ZFP1: variants seen among roughly 807,000 people sequenced by gnomAD.
ZFP1 encodes zinc finger protein 1 homolog.
In ZFP1, 32 loss-of-function variants were observed where a neutral mutation model predicts 38.5. The ratio of observed to expected loss-of-function variants is 0.83; its 90% CI spans 0.63 to 1.12. ZFP1 has a LOEUF of 1.12. Ranked by LOEUF, ZFP1 falls within the 50% of genes most tolerant of loss-of-function variation. The pLI, the probability that ZFP1 is intolerant of heterozygous loss-of-function variation, is 0.00. For missense variants in ZFP1, 616 were observed against 480.8 expected, an observed-to-expected ratio of 1.28 and a Z score of -2.63; for synonymous variants, 245 against 168.8, an observed-to-expected ratio of 1.45 and a Z score of -3.50.
intron 3 of ZFP1, among the ~76,000 whole-genome samples, chr16:75,167,664 A>G (rs1188175503): frequency 6.6e-6 from 1 of 152,164 alleles, no homozygotes; most frequent in Non-Finnish European, 1.5e-5. Context: ...CAGTGGTGAC[A>G]TCACGGTGCA....
rs796255550 is a variant in ZFP1, at chr16:75,170,681, AAC to A, written c.*351_*352del. ...GTGGTTTTATGTGGATATGCCACAA[AAC>A]ACAAGTGGTATGCTTTAGATCTGCA... is the stretch of plus-strand genomic sequence containing the variant. On this transcript the variant is annotated 3_prime_UTR_variant, in exon 4 of 4. Transcript: ENST00000570010. The A allele has an allele frequency of 2.3e-4, 43 of 190,904 alleles. No individual in the cohort carries two copies. Among genetic ancestry groups the A allele is most frequent in the East Asian group, 1.0e-3 (8 of 7,678 alleles). 11.8% of individuals were successfully genotyped at this position (190,904 alleles called of 1,614,324 possible).
chr16:75,154,462 C>G (rs1473822432), intron 2 of ZFP1, among the ~76,000 whole-genome samples: 1 of 152,024 alleles, frequency 6.6e-6, no homozygotes, highest in Non-Finnish European at 1.5e-5. Context: ...AATACCAAGG[C>G]CCCTGGATCA....
chr16:75,169,619 C>A lies in ZFP1; in HGVS notation c.509C>A (p.Ala170Asp). The change falls in exon 4 of 4, where the codon GCC (alanine) becomes GAC (aspartate). Residue 170 changes from alanine (A) to aspartate (D), a missense_variant. Ala to Asp is a moderately radical substitution (Grantham distance 126). Coordinates refer to ENST00000570010, the MANE Select transcript of ZFP1 (RefSeq NM_153688.4). ...GGAAAAGCCCTCAGCCATAAAGCAG[C>A]CATTTTTAAACATCAGAAAATAAAA... Reference protein sequence around the residue: ...KSGKALSHKAAIFKHQKIKNL... With the variant: ...KSGKALSHKADIFKHQKIKNL... 6.3e-7 allele frequency: 1 copy of A among 1,592,750 alleles called. No homozygotes were observed. Among genetic ancestry groups the A allele is most frequent in the Non-Finnish European group, 8.5e-7 (1 of 1,173,858 alleles).
chr16:75,171,710 A>G lies in ZFP1; in HGVS notation c.*1376A>G, dbSNP rs1343911168. 1 of 152,202 alleles carries G rather than the reference A, an allele frequency of 6.6e-6. No individual in the cohort carries two copies. The highest frequency in any genetic ancestry group is 6.6e-5 in the Admixed American group (1 of 15,262). 9.4% of individuals were successfully genotyped at this position (152,202 alleles called of 1,614,324 possible). The stretch of plus-strand genomic sequence containing the variant: ...ACTGGCTTTTAAAAAATATTTTTGG[A>G]TATCATTGATGTGCTGTCACACTAT... On this transcript the variant is annotated 3_prime_UTR_variant, in exon 4 of 4. Coordinates refer to ENST00000570010, the MANE Select transcript of ZFP1 (RefSeq NM_153688.4).
chr16:75,121,753 C>G, the ZFP1 span, among the ~76,000 whole-genome samples: 3 of 151,946 alleles, frequency 2.0e-5, no homozygotes, highest in Non-Finnish European at 2.9e-5. Flanking sequence ...TAAAAGTGCT[C>G]GAATGAAATG....
In ZFP1 at chr16:75,166,914, G is replaced by T. The variant is rs375285545; in HGVS notation, c.142+18G>T. The T allele has an allele frequency of 5.6e-6, 9 of 1,610,940 alleles. No individual in the cohort carries two copies. Among genetic ancestry groups the T allele is most frequent in the Non-Finnish European group, 7.6e-6 (9 of 1,177,952 alleles). ...TTCAGTGGGTAAGGACGGTTTTCAG[G>T]TACAGCTCACCATGTGCCTAGAGGT... On this transcript the variant is annotated intron_variant, in intron 3 of 3. Coordinates refer to ENST00000570010, the MANE Select transcript of ZFP1 (RefSeq NM_153688.4).
chr16:75,145,480 C>T (rs550549882), upstream of ZFP1, among the ~76,000 whole-genome samples: 190 of 152,238 alleles, frequency 1.2e-3, 1 homozygote, highest in Non-Finnish European at 2.3e-3. Context: ...CCTGTTTTCA[C>T]GCCTGTACGT....
upstream of ZFP1, chr16:75,148,456 G>C (rs8058619): frequency 0.25 from 38,637 of 152,288 alleles, 5,214 homozygotes; most frequent in Non-Finnish European, 0.3. Context: ...CCACCCCTCC[G>C]AGGACCCTGG....
At chr16:75,125,693 T>C in the ZFP1 span, among the ~76,000 whole-genome samples, 2 of 152,278 alleles carry the variant, frequency 1.3e-5, no homozygotes, top group East Asian at 1.9e-4. Context: ...ACAAATTTAA[T>C]TGGCTTCATG....
At chr16:75,139,944 T>G in the ZFP1 span, among the ~76,000 whole-genome samples, 1 of 152,120 alleles carries the variant, frequency 6.6e-6, no homozygotes, top group South Asian at 2.1e-4. Context: ...GATAGTAAAT[T>G]TTATTACATA....
intron 2 of ZFP1, among the ~76,000 whole-genome samples, chr16:75,154,381 A>G (rs916371231): frequency 2.6e-5 from 4 of 152,216 alleles, no homozygotes; most frequent in African/African-American, 4.8e-5. Context: ...AGTTTTGGCA[A>G]TTATAAATAA....
At chr16:75,143,308 C>T in the ZFP1 span, among the ~76,000 whole-genome samples, 1 of 151,972 alleles carries the variant, frequency 6.6e-6, no homozygotes, top group African/African-American at 2.4e-5. Context: ...ATGGTGTGAT[C>T]TGGGCTCACT....
chr16:75,123,455 GTATATATATATATATA>G, the ZFP1 span, among the ~76,000 whole-genome samples: 855 of 87,252 alleles, frequency 9.8e-3, 31 homozygotes, highest in African/African-American at 0.026. Flanking sequence ...GTGTGTATAT[GTATATATATATATATA>G]TATATATATA....
rs995172888 is a variant in ZFP1, at chr16:75,164,828, G to A, written c.16-1942G>A. Among the ~76,000 whole-genome samples the A allele has an allele frequency of 1.0e-4, 15 of 150,648 alleles. No individual in the cohort carries two copies. The East Asian group carries it at 2.7e-3, about 27-fold the overall frequency. Reference sequence around the variant, plus strand: ...CCATAAGTTTTTTTTTTTTTTTGAGGCGGAGTTTCACTCGTTGCACAGGAT... The same window carrying A: ...CCATAAGTTTTTTTTTTTTTTTGAGACGGAGTTTCACTCGTTGCACAGGAT... On this transcript the variant is annotated intron_variant, in intron 2 of 3. Transcript: ENST00000570010.
chr16:75,149,198 C>T (rs1339006369), intron 1 of ZFP1: 1 of 152,242 alleles, frequency 6.6e-6, no homozygotes, highest in Non-Finnish European at 1.5e-5. Context: ...CCGTCGCTAT[C>T]CCAGGAACAC....
chr16:75,123,457 A>ATATGTG, the ZFP1 span, among the ~76,000 whole-genome samples: 1 of 31,674 alleles, frequency 3.2e-5, no homozygotes, highest in South Asian at 1.6e-3. Flanking sequence ...GTGTATATGT[A>ATATGTG]TATATATATA....
chr16:75,169,479 TAGA>T lies in ZFP1; in HGVS notation c.372_374del (p.Arg124del), dbSNP rs780140072. 1 of 1,612,902 alleles carries T rather than the reference TAGA, an allele frequency of 6.2e-7. No homozygotes were observed. The highest frequency in any genetic ancestry group is 1.3e-5 in the African/African-American group (1 of 74,874). ...ATAATTCAGACTTGCTTAATAGTAA[TAGA>T]AGCTATGCAGGAAAGCAGACTGATG... is the stretch of plus-strand genomic sequence containing the variant. On this transcript the variant is annotated inframe_deletion, in exon 4 of 4. Coordinates refer to ENST00000570010, the MANE Select transcript of ZFP1 (RefSeq NM_153688.4).
chr16:75,167,208 A>G (rs1567539864), intron 3 of ZFP1, among the ~76,000 whole-genome samples: 1 of 152,198 alleles, frequency 6.6e-6, no homozygotes, highest in East Asian at 1.9e-4. Flanking sequence ...GGGAGATAGG[A>G]CGGGAGAGAG....
intron 1 of ZFP1, among the ~76,000 whole-genome samples, chr16:75,150,699 A>T (rs1364496820): frequency 6.6e-6 from 1 of 151,910 alleles, no homozygotes; most frequent in African/African-American, 2.4e-5. Context: ...AAAGTGCTTT[A>T]CAGGCGTGAG....
Sources: allele counts gnomAD v4.1 joint callset (sites outside exome capture counted in the v4.1 genomes callset), GRCh38; gene constraint gnomAD v4.1.1; transcripts MANE v1.5; gene names NCBI Gene and HGNC (gene_info 2026-07-23, HGNC 2026-07-21).